Variants in ARHGAP22 observed in about 807,000 individuals in gnomAD.
ARHGAP22 encodes rho GTPase-activating protein 22.
A neutral mutation model predicts 59.1 loss-of-function variants in ARHGAP22; 48 were observed. The observed-to-expected ratio is 0.81, with a 90% CI of 0.64 to 1.03. ARHGAP22 has a LOEUF of 1.03. ARHGAP22 is among the 50% of genes least tolerant of loss of function. ARHGAP22 has a pLI of 0.00. For missense variants in ARHGAP22, 1,015 were observed against 958.7 expected, an observed-to-expected ratio of 1.06 and a Z score of -0.78; for synonymous variants, 445 against 416.4, an observed-to-expected ratio of 1.07 and a Z score of -0.84.
chr10:48,464,815 C>T (rs1274368219), intron 4 of ARHGAP22, among the ~76,000 whole-genome samples: 2 of 152,258 alleles, frequency 1.3e-5, no homozygotes, highest in African/African-American at 2.4e-5. Flanking sequence ...TTAGGGGGTG[C>T]TATGAGGGCG....
intron 4 of ARHGAP22, 126 bp downstream of exon 4, chr10:48,479,510 G>A: frequency 6.5e-7 from 1 of 1,542,856 alleles, no homozygotes; most frequent in Admixed American, 1.9e-5. Flanking sequence ...AGCCTGCTGT[G>A]AGAAGCACAG....
At chr10:48,619,572 A>G (rs1395352360) in intron 1 of ARHGAP22, among the ~76,000 whole-genome samples, 1 of 152,236 alleles carries the variant, frequency 6.6e-6, no homozygotes, top group African/African-American at 2.4e-5. Flanking sequence ...ACAAAGGCAC[A>G]AGAGCATACA....
chr10:48,451,127 G>C lies in ARHGAP22; in HGVS notation c.1002C>G (p.Val334=), dbSNP rs769021897. The change falls in exon 9 of 10, where the codon GTC becomes GTG. Residue 334 remains valine, a synonymous_variant. Coordinates refer to ENST00000249601, the MANE Select transcript of ARHGAP22 (RefSeq NM_021226.4). ...PVTIMEGTSL[V]QHLMTVLIRK... is the part of the protein sequence containing the mutation. Reference sequence around the variant, plus strand: ...GGATGAGGACGGTCATCAGGTGCTGGACGAGGGAAGTGCCTGCCGGGAAGA... The same window carrying C: ...GGATGAGGACGGTCATCAGGTGCTGCACGAGGGAAGTGCCTGCCGGGAAGA... The C allele has an allele frequency of 1.3e-6, 2 of 1,552,240 alleles. No homozygotes were observed. Among genetic ancestry groups the C allele is most frequent in the Non-Finnish European group, 1.7e-6 (2 of 1,147,862 alleles).
At chr10:48,623,578 G>T (rs1409154309) in intron 1 of ARHGAP22, among the ~76,000 whole-genome samples, 1 of 152,180 alleles carries the variant, frequency 6.6e-6, no homozygotes, top group East Asian at 1.9e-4. Context: ...AATGTGGGCT[G>T]CAGGACAGGC....
chr10:48,618,670 C>A (rs1315223980), intron 1 of ARHGAP22, among the ~76,000 whole-genome samples: 1 of 151,940 alleles, frequency 6.6e-6, no homozygotes, highest in Non-Finnish European at 1.5e-5. Flanking sequence ...AAATTCTCAA[C>A]AAGTTAGGTA....
At chr10:48,611,407 C>G (rs1202134496) in intron 1 of ARHGAP22, among the ~76,000 whole-genome samples, 1 of 152,122 alleles carries the variant, frequency 6.6e-6, no homozygotes, top group South Asian at 2.1e-4. Context: ...AGCTGCCCCC[C>G]TTCCTAGAAA....
intron 3 of ARHGAP22, among the ~76,000 whole-genome samples, chr10:48,501,129 G>A (rs1473324421): frequency 2.6e-5 from 4 of 152,206 alleles, no homozygotes; most frequent in Admixed American, 6.5e-5. Context: ...AAAATGGGAT[G>A]CTTTGCAGGT....
intron 4 of ARHGAP22, among the ~76,000 whole-genome samples, chr10:48,467,449 A>G (rs1483724480): frequency 6.6e-6 from 1 of 151,732 alleles, no homozygotes; most frequent in Non-Finnish European, 1.5e-5. Flanking sequence ...GTAGGAGGGC[A>G]GAATTCTTTT....
chr10:48,482,306 T>A (rs2134109435), intron 3 of ARHGAP22, among the ~76,000 whole-genome samples: 1 of 152,370 alleles, frequency 6.6e-6, no homozygotes, highest in African/African-American at 2.4e-5. Context: ...AAGTTCATTC[T>A]TTTGCATATG....
chr10:48,623,078 A>C (rs559214501), intron 1 of ARHGAP22, among the ~76,000 whole-genome samples: 1 of 152,352 alleles, frequency 6.6e-6, no homozygotes, highest in South Asian at 2.1e-4. Context: ...GCTACTTTCA[A>C]AATGTGCCTC....
intron 1 of ARHGAP22, among the ~76,000 whole-genome samples, chr10:48,590,773 G>A (rs373433246): frequency 2.0e-5 from 3 of 151,338 alleles, no homozygotes; most frequent in African/African-American, 7.3e-5. Context: ...CCGTCCTGGG[G>A]ACTCTGGAGG....
At chr10:48,498,632 C>A (rs972656027) in intron 3 of ARHGAP22, among the ~76,000 whole-genome samples, 1 of 152,176 alleles carries the variant, frequency 6.6e-6, no homozygotes, top group Non-Finnish European at 1.5e-5. Context: ...TGCGCTAGAG[C>A]CAAAAGTACA....
intron 3 of ARHGAP22, among the ~76,000 whole-genome samples, chr10:48,513,794 C>T (rs2053024553): frequency 6.6e-6 from 1 of 151,990 alleles, no homozygotes; most frequent in Admixed American, 6.5e-5. Context: ...AATAGCAGTC[C>T]ATATAAACTG....
intron 3 of ARHGAP22, among the ~76,000 whole-genome samples, chr10:48,543,920 G>A (rs999049106): frequency 6.6e-6 from 1 of 152,100 alleles, no homozygotes; most frequent in Non-Finnish European, 1.5e-5. Flanking sequence ...TCAGGAGTTC[G>A]AGACCAGTCT....
In ARHGAP22 at chr10:48,583,094, G is replaced by T. The variant is rs1158926208; in HGVS notation, c.93C>A (p.Cys31Ter). Residue 31 changes from cysteine to a stop codon, truncating the protein, a stop_gained, in exon 2 of 10, where the codon TGC (cysteine) becomes TGA (stop). Transcript: ENST00000249601. LOFTEE classifies it high-confidence loss of function. The stretch of plus-strand genomic sequence containing the variant: ...TCAGCACGGGGCCCAGCCTGTGAGG[G>T]CACGGCATCCGCCCAGGGCTCCGGC... Reference protein sequence around the residue: ...EQSRSPGRMPCPHRLGPVLKA... With the variant: ...EQSRSPGRMP The T allele has an allele frequency of 6.2e-7, 1 of 1,614,264 alleles. No homozygotes were observed. Among genetic ancestry groups the T allele is most frequent in the Admixed American group, 1.7e-5 (1 of 60,030 alleles).
At chr10:48,451,744 C>T in intron 8 of ARHGAP22, 1 of 599,848 alleles carries the variant, frequency 1.7e-6, no homozygotes, top group South Asian at 2.0e-5. Context: ...GACAATGCAC[C>T]CACCCAGCCT....
At chr10:48,459,345 C>T (rs1221412036) in intron 5 of ARHGAP22, among the ~76,000 whole-genome samples, 1 of 48,746 alleles carries the variant, frequency 2.1e-5, no homozygotes, top group African/African-American at 4.1e-5. Flanking sequence ...AGACAGACCC[C>T]GCAGAAGGCC....
intron 3 of ARHGAP22, among the ~76,000 whole-genome samples, chr10:48,552,589 A>G (rs1400544174): frequency 6.6e-6 from 1 of 152,170 alleles, no homozygotes; most frequent in East Asian, 1.9e-4. Context: ...CCCCCAGGTA[A>G]CTGTGCTCAG....
chr10:48,439,749 C>G, the ARHGAP22 span, among the ~76,000 whole-genome samples: 1 of 152,192 alleles, frequency 6.6e-6, no homozygotes, highest in African/African-American at 2.4e-5. Flanking sequence ...CTTATTTCCT[C>G]TTTGCCTACG....
Sources: gnomAD v4.1 joint callset for allele counts (sites outside exome capture counted in the v4.1 genomes callset) on GRCh38, gnomAD v4.1.1 for gene constraint, MANE v1.5 for transcripts, NCBI Gene and HGNC (gene_info 2026-07-23, HGNC 2026-07-21) for gene names.